The following EYS variants were observed in gnomAD, a reference collection of about 807,000 sequenced individuals.
EYS encodes the protein protein eyes shut homolog.
Under a neutral mutation model 282.1 loss-of-function variants are expected in EYS, and 250 were observed. The observed-to-expected ratio is 0.89, with a 90% CI of 0.80 to 0.98. The LOEUF is 0.98. Among genes scored for constraint, EYS ranks in the 50% least tolerant of loss-of-function variants. EYS has a pLI of 0.00. For missense variants in EYS, 4,016 were observed against 3,709.0 expected, an observed-to-expected ratio of 1.08 and a Z score of -2.15; for synonymous variants, 1,355 against 1,282.9, an observed-to-expected ratio of 1.06 and a Z score of -1.20.
chr6:64,992,046 C>T (rs1771083223), intron 14 of EYS, among the ~76,000 whole-genome samples: 1 of 151,700 alleles, frequency 6.6e-6, no homozygotes, highest in African/African-American at 2.4e-5. Context: ...ATGCCTGGAC[C>T]CATCATCTGA....
intron 31 of EYS, among the ~76,000 whole-genome samples, chr6:64,084,467 A>C (rs972504245): frequency 1.3e-5 from 2 of 152,226 alleles, no homozygotes; most frequent in Non-Finnish European, 2.9e-5. Flanking sequence ...GAGAGAGAAC[A>C]CAGGCTGTCT....
intron 29 of EYS, among the ~76,000 whole-genome samples, chr6:64,331,873 G>A (rs1179947345): frequency 6.6e-6 from 1 of 152,174 alleles, no homozygotes; most frequent in Non-Finnish European, 1.5e-5. Flanking sequence ...GCTAGTGTTT[G>A]CCTTCACTTT....
intron 15 of EYS, among the ~76,000 whole-genome samples, chr6:64,944,929 T>C (rs929605309): frequency 1.3e-5 from 2 of 152,042 alleles, no homozygotes; most frequent in Non-Finnish European, 2.9e-5. Context: ...CCCTTGAACT[T>C]AATTATGACA....
At position 65,208,145 on chromosome 6, in the gene EYS, A is replaced by C. The variant is rs141156134; in HGVS notation, c.2023+87718T>G. On this transcript the variant is annotated intron_variant, in intron 12 of 42. Coordinates refer to ENST00000503581, the MANE Select transcript of EYS (RefSeq NM_001142800.2). ...AATCCCATTAAAAAGTGGACAAAGG[A>C]AATGAAAAGACATGTCTCAAAAGAA... 2.2e-3 allele frequency among the ~76,000 whole-genome samples: 327 copies of C among 151,996 alleles called. 4 individuals carry two copies. Among genetic ancestry groups the C allele is most frequent in the African/African-American group, 7.5e-3 (311 of 41,548 alleles).
intron 35 of EYS, among the ~76,000 whole-genome samples, chr6:63,917,160 G>A (rs899282787): frequency 1.3e-5 from 2 of 152,228 alleles, no homozygotes; most frequent in Non-Finnish European, 2.9e-5. Flanking sequence ...ACGTGCACGC[G>A]CGTGCATGTG....
At chr6:64,611,203 A>G (rs1029675498) in intron 24 of EYS, among the ~76,000 whole-genome samples, 2 of 152,088 alleles carry the variant, frequency 1.3e-5, no homozygotes, top group African/African-American at 4.8e-5. Context: ...AAGCAGATCG[A>G]GCCTTATTTC....
At chr6:64,773,629 C>CA (rs1208775290) in intron 22 of EYS, among the ~76,000 whole-genome samples, 1 of 151,890 alleles carries the variant, frequency 6.6e-6, no homozygotes, top group African/African-American at 2.4e-5. Context: ...TGCAATCTCA[C>CA]CAGAATCTGT....
chr6:65,018,494 C>A (rs1033837416), intron 13 of EYS, among the ~76,000 whole-genome samples: 25 of 152,284 alleles, frequency 1.6e-4, no homozygotes, highest in Middle Eastern at 3.4e-3. Flanking sequence ...CCACCTACTC[C>A]AGTATATCCT....
At position 65,335,952 on chromosome 6, in the gene EYS, G is replaced by A. The variant is rs141238793; in HGVS notation, c.1600-806C>T. The stretch of plus-strand genomic sequence containing the variant: ...GCAGTTTCCCCCTTGCTGTTCTCCT[G>A]ATACTGAGTGAGTTCTCCTGAGATC... On this transcript the variant is annotated intron_variant, in intron 10 of 42. Coordinates refer to ENST00000503581, the MANE Select transcript of EYS (RefSeq NM_001142800.2). 1.0e-3 allele frequency among the ~76,000 whole-genome samples: 153 copies of A among 151,708 alleles called. 1 individual carries two copies. Among genetic ancestry groups the A allele is most frequent in the African/African-American group, 3.3e-3 (138 of 41,460 alleles).
chr6:65,371,741 C>CTCTCTCTG (rs1335075948), intron 8 of EYS, among the ~76,000 whole-genome samples: 48 of 70,276 alleles, frequency 6.8e-4, no homozygotes, highest in African/African-American at 2.5e-3. Context: ...CTCTCTCTCT[C>CTCTCTCTG]TGTGTGTGTG....
At chr6:65,159,031 C>G (rs1465474825) in intron 12 of EYS, among the ~76,000 whole-genome samples, 3 of 150,688 alleles carry the variant, frequency 2.0e-5, no homozygotes, top group South Asian at 4.2e-4. Flanking sequence ...TGAGAACATG[C>G]CACAATATTC....
intron 26 of EYS, among the ~76,000 whole-genome samples, chr6:64,462,950 T>TG (rs1207813303): frequency 6.8e-6 from 1 of 146,574 alleles, no homozygotes; most frequent in Admixed American, 6.8e-5. Context: ...TAATTTTTTT[T>TG]TTTTTTTTTT....
chr6:64,817,769 T>C (rs1389117539), intron 21 of EYS, among the ~76,000 whole-genome samples: 2 of 152,156 alleles, frequency 1.3e-5, no homozygotes, highest in African/African-American at 4.8e-5. Flanking sequence ...CATGTTGCTG[T>C]GAAGGACATG....
At chr6:65,063,015 C>A (rs146823009) in intron 12 of EYS, among the ~76,000 whole-genome samples, 1 of 151,798 alleles carries the variant, frequency 6.6e-6, no homozygotes, top group South Asian at 2.1e-4. Flanking sequence ...TAGTTCACAG[C>A]GCAAAGTTGG....
At chr6:64,066,812 A>C (rs1013686045) in intron 32 of EYS, among the ~76,000 whole-genome samples, 1 of 152,144 alleles carries the variant, frequency 6.6e-6, no homozygotes, top group East Asian at 1.9e-4. Flanking sequence ...AACTACTGTG[A>C]GTATTAGAAC....
At chr6:65,585,767 G>T (rs1765022314) in intron 2 of EYS, among the ~76,000 whole-genome samples, 1 of 151,636 alleles carries the variant, frequency 6.6e-6, no homozygotes, top group Non-Finnish European at 1.5e-5. Flanking sequence ...ATTAATAGAA[G>T]ATTTTAATAA....
At chr6:65,205,024 GAAGAAT>G (rs1765999271) in intron 12 of EYS, among the ~76,000 whole-genome samples, 1 of 88,008 alleles carries the variant, frequency 1.1e-5, no homozygotes, top group East Asian at 2.4e-4. Context: ...ATATATTCTA[GAAGAAT>G]ATATTTATAT....
intron 42 of EYS, among the ~76,000 whole-genome samples, chr6:63,722,991 G>T (rs1183238688): frequency 6.6e-6 from 1 of 152,196 alleles, no homozygotes; most frequent in Admixed American, 6.5e-5. Context: ...TGAGAACAGG[G>T]TCTGTGTTTG....
intron 22 of EYS, among the ~76,000 whole-genome samples, chr6:64,809,273 C>CTT (rs762294585): frequency 6.6e-5 from 10 of 151,884 alleles, no homozygotes; most frequent in Admixed American, 2.6e-4. Context: ...GCTATATGAA[C>CTT]TTTGAAAAAA....
Sources: gnomAD v4.1 joint callset for allele counts (sites outside exome capture counted in the v4.1 genomes callset) on GRCh38, gnomAD v4.1.1 for gene constraint, MANE v1.5 for transcripts, NCBI Gene and HGNC (gene_info 2026-07-23, HGNC 2026-07-21) for gene names.